The following ATP2B2 variants were observed in gnomAD, a reference collection of about 807,000 sequenced individuals.
ATP2B2 encodes ATPase plasma membrane Ca2+ transporting 2, also known as plasma membrane calcium-transporting ATPase 2.
In ATP2B2, 15 loss-of-function variants were observed where a neutral mutation model predicts 120.0. That is an observed-to-expected ratio of 0.12 (90% CI 0.08 to 0.19). The LOEUF (loss-of-function observed/expected upper bound fraction) is 0.19. ATP2B2 is among the 10% of genes least tolerant of loss of function. ATP2B2 has a pLI of 1.00. For missense variants in ATP2B2, 1,045 were observed against 1,719.8 expected (o/e 0.61, Z 6.94); for synonymous variants, 694 against 700.3 (o/e 0.99, Z 0.14).
chr3:10,514,124 G>A (rs1682091084), intron 3 of ATP2B2, among the ~76,000 whole-genome samples: 1 of 152,224 alleles, frequency 6.6e-6, no homozygotes, highest in Non-Finnish European at 1.5e-5. Context: ...GCACAGAGAT[G>A]TCAGGCAACT....
At chr3:10,356,499 G>A (rs1240295489) in intron 14 of ATP2B2, among the ~76,000 whole-genome samples, 2 of 152,214 alleles carry the variant, frequency 1.3e-5, no homozygotes, top group Admixed American at 6.5e-5. Context: ...AAATGTGTGT[G>A]TTTACTGAGT....
intron 3 of ATP2B2, among the ~76,000 whole-genome samples, chr3:10,513,207 G>A (rs1559432077): frequency 6.6e-6 from 1 of 152,210 alleles, no homozygotes; most frequent in Non-Finnish European, 1.5e-5. Flanking sequence ...CTCACAGAGG[G>A]TTTCCTCGAG....
At chr3:10,504,283 A>C (rs1302508165) in intron 1 of ATP2B2, among the ~76,000 whole-genome samples, 1 of 151,964 alleles carries the variant, frequency 6.6e-6, no homozygotes, top group African/African-American at 2.4e-5. Context: ...CCTACTGCAC[A>C]CGTCAAAGGA....
intron 1 of ATP2B2, among the ~76,000 whole-genome samples, chr3:10,667,964 T>A (rs1424513098): frequency 7.7e-6 from 1 of 129,130 alleles, no homozygotes; most frequent in African/African-American, 2.9e-5. Flanking sequence ...GTTTCCTTTC[T>A]AAAAAGAAAT....
intron 10 of ATP2B2, among the ~76,000 whole-genome samples, chr3:10,377,977 A>T (rs559256914): frequency 9.8e-5 from 15 of 152,322 alleles, no homozygotes; most frequent in African/African-American, 3.6e-4. Context: ...TACTTTCCCA[A>T]GTTCTCACAG....
intron 2 of ATP2B2, among the ~76,000 whole-genome samples, chr3:10,429,406 C>T (rs1208055862): frequency 6.6e-6 from 1 of 152,210 alleles, no homozygotes; most frequent in African/African-American, 2.4e-5. Flanking sequence ...CTCTAAATCA[C>T]ATTTTGTTAA....
chr3:10,354,864 A>C (rs967486601), intron 14 of ATP2B2, among the ~76,000 whole-genome samples: 4 of 152,202 alleles, frequency 2.6e-5, no homozygotes, highest in Non-Finnish European at 5.9e-5. Flanking sequence ...GGCTGGAGGC[A>C]CCAGGAAGGG....
At position 10,648,342 on chromosome 3, in the gene ATP2B2, C is replaced by T. The variant is rs371783353; in HGVS notation, c.-459-28381G>A. On this transcript the variant is annotated intron_variant, in intron 1 of 21. Transcript: ENST00000646379. ...TCCTGACTAACAGTTTCCTGGATTTCTTCCAACATCTCTGGCCATGCTTTC... is the reference window on the plus strand; with the variant it reads ...TCCTGACTAACAGTTTCCTGGATTTTTTCCAACATCTCTGGCCATGCTTTC... Among the ~76,000 whole-genome samples, 12 of 152,318 alleles carry T rather than the reference C, an allele frequency of 7.9e-5. 1 individual carries two copies. Among genetic ancestry groups the T allele is most frequent in the African/African-American group, 2.9e-4 (12 of 41,572 alleles).
At chr3:10,685,697 G>A (rs958563994) in intron 1 of ATP2B2, among the ~76,000 whole-genome samples, 1 of 152,206 alleles carries the variant, frequency 6.6e-6, no homozygotes, top group Non-Finnish European at 1.5e-5. Flanking sequence ...GCACCCTATG[G>A]TCTAGTGGTG....
intron 3 of ATP2B2, among the ~76,000 whole-genome samples, chr3:10,533,634 G>A (rs2067254018): frequency 6.6e-6 from 1 of 152,228 alleles, no homozygotes; most frequent in African/African-American, 2.4e-5. Context: ...ATGGCCCAGA[G>A]GGTAGAAGAA....
chr3:10,584,449 G>A (rs571043321), intron 2 of ATP2B2, among the ~76,000 whole-genome samples: 1 of 152,252 alleles, frequency 6.6e-6, no homozygotes, highest in African/African-American at 2.4e-5. Context: ...AGGCTCTACA[G>A]GTGCCACCCT....
At chr3:10,365,310 A>C (rs979663935) in intron 12 of ATP2B2, among the ~76,000 whole-genome samples, 2 of 152,234 alleles carry the variant, frequency 1.3e-5, no homozygotes, top group African/African-American at 4.8e-5. Context: ...CAGTGAATCA[A>C]TGAATAATTT....
At chr3:10,531,022 G>C (rs2067198932) in intron 3 of ATP2B2, among the ~76,000 whole-genome samples, 1 of 152,174 alleles carries the variant, frequency 6.6e-6, no homozygotes, top group Admixed American at 6.5e-5. Flanking sequence ...CTCTCTGGAT[G>C]TTCCTGCTGG....
At position 10,382,555 on chromosome 3, in the gene ATP2B2, C is replaced by T. The variant is rs2061562068; in HGVS notation, c.1000+2713G>A. On this transcript the variant is annotated intron_variant, in intron 8 of 22. Transcript: ENST00000360273. ...TATTTTTAGTAGAGACAGAGTTTCA[C>T]CATGTTGCCCAGGCTGGTCTCCAAC... Among the ~76,000 whole-genome samples the T allele has an allele frequency of 2.0e-5, 3 of 150,056 alleles. No homozygotes were observed. The South Asian group carries it at 6.4e-4, about 32-fold the overall frequency.
intron 1 of ATP2B2, among the ~76,000 whole-genome samples, chr3:10,674,195 C>T (rs1307689205): frequency 2.0e-5 from 3 of 152,198 alleles, no homozygotes; most frequent in Non-Finnish European, 4.4e-5. Context: ...AGCATCCTTT[C>T]CCCTCTCCCT....
At chr3:10,576,879 A>G (rs146577939) in intron 2 of ATP2B2, among the ~76,000 whole-genome samples, 16 of 152,078 alleles carry the variant, frequency 1.1e-4, no homozygotes, top group African/African-American at 3.9e-4. Context: ...CCTGGTCAAT[A>G]TGGTGAAACC....
chr3:10,629,466 CA>C (rs2069802803), intron 1 of ATP2B2, among the ~76,000 whole-genome samples: 1 of 152,210 alleles, frequency 6.6e-6, no homozygotes. Context: ...GTTGATAGGG[CA>C]CATTTCCCGC....
chr3:10,406,305 T>C (rs1250316775), intron 3 of ATP2B2, among the ~76,000 whole-genome samples: 1 of 152,202 alleles, frequency 6.6e-6, no homozygotes, highest in Non-Finnish European at 1.5e-5. Flanking sequence ...GAGTTAGGCA[T>C]TAGGTAAAAC....
At chr3:10,479,233 A>G (rs1001434903) in intron 1 of ATP2B2, among the ~76,000 whole-genome samples, 2 of 135,396 alleles carry the variant, frequency 1.5e-5, no homozygotes, top group African/African-American at 5.1e-5. Flanking sequence ...CTTTTGGGAT[A>G]AAGAAAACAC....
Sources: allele counts gnomAD v4.1 joint callset (sites outside exome capture counted in the v4.1 genomes callset), GRCh38; gene constraint gnomAD v4.1.1; transcripts MANE v1.5; gene names NCBI Gene and HGNC (gene_info 2026-07-23, HGNC 2026-07-21).